Variants in ECEL1 observed in about 807,000 individuals in gnomAD.
ECEL1 encodes endothelin-converting enzyme-like 1.
In ECEL1, 87 loss-of-function variants were observed where a neutral mutation model predicts 101.8. The observed-to-expected ratio is 0.85, with a 90% CI of 0.72 to 1.02. The LOEUF (loss-of-function observed/expected upper bound fraction) is 1.02. Ranked by LOEUF, ECEL1 falls within the 50% of genes least tolerant of loss-of-function variation. The probability of loss-of-function intolerance (pLI) is 0.00; values close to 1 mark genes in which losing one functional copy is unlikely to be tolerated. For synonymous variants in ECEL1, 487 were observed against 468.7 expected, an observed-to-expected ratio of 1.04 and a Z score of -0.50; for missense variants, 1,032 against 1,079.2, an observed-to-expected ratio of 0.96 and a Z score of 0.61.
intron 12 of ECEL1, 72 bp downstream of exon 12, chr2:232,482,346 A>C: frequency 6.2e-7 from 1 of 1,605,232 alleles, no homozygotes; most frequent in Non-Finnish European, 8.5e-7. Flanking sequence ...GTACGCCGAC[A>C]CACACCTGGT....
intron 12 of ECEL1, 112 bp from the exon 13 acceptor site, chr2:232,481,961 C>A (rs1009762128): frequency 8.3e-6 from 12 of 1,438,802 alleles, no homozygotes; most frequent in Non-Finnish European, 1.1e-5. Flanking sequence ...CACAGGGAGG[C>A]CACAGAGGCA....
intron 7 of ECEL1, 52 bp downstream of exon 7, chr2:232,483,949 G>T (rs1354555226): frequency 1.3e-6 from 2 of 1,543,450 alleles, no homozygotes; most frequent in Non-Finnish European, 1.8e-6. Context: ...CCTCGGGAGG[G>T]CTCCACCCTC....
At position 232,486,167 on chromosome 2, in the gene ECEL1, G is replaced by T; in HGVS notation, c.487C>A (p.Arg163Ser). ...IGEQNEERLR[R>S]LLARPGGGPG... ...CCACCCCCGGGCCGCGCCAGCAGGC[G>T]CCGTAGGCGCTCCTCGTTTTGCTCG... The change falls in exon 2 of 18, where the codon CGC (arginine) becomes AGC (serine). Residue 163 changes from arginine to serine, a missense_variant. Transcript: ENST00000304546. 4 of 1,580,426 alleles carry T rather than the reference G, an allele frequency of 2.5e-6. No individual in the cohort carries two copies. The highest frequency in any genetic ancestry group is 2.6e-6 in the Non-Finnish European group (3 of 1,168,812).
rs1318486358 is a variant in ECEL1 at position 232,486,161 on chromosome 2, G to T, written c.493C>A (p.Leu165Met). The T allele has an allele frequency of 6.3e-7, 1 of 1,575,274 alleles. No homozygotes were observed. ...EQNEERLRRL[L>M]ARPGGGPGGA... ...CCAGGCCCACCCCCGGGCCGCGCCA[G>T]CAGGCGCCGTAGGCGCTCCTCGTTT... The change falls in exon 2 of 18, where the codon CTG becomes ATG. Residue 165 changes from leucine to methionine, a missense_variant. Coordinates refer to ENST00000304546, the MANE Select transcript of ECEL1 (RefSeq NM_004826.4).
intron 17 of ECEL1, 58 bp downstream of exon 17, chr2:232,480,341 C>A (rs888224196): frequency 4.3e-6 from 7 of 1,612,350 alleles, no homozygotes; most frequent in Non-Finnish European, 5.9e-6. Context: ...TTCCCATGCC[C>A]CCTGATCCCA....
intron 1 of ECEL1, among the ~76,000 whole-genome samples, chr2:232,487,314 C>T (rs529941182): frequency 3.3e-5 from 5 of 152,202 alleles, no homozygotes; most frequent in African/African-American, 1.2e-4. Flanking sequence ...CCCACTCGCC[C>T]CTTCCCTAGG....
chr2:232,480,268 AC>A lies in ECEL1; in HGVS notation c.2229-17del. The stretch of plus-strand genomic sequence containing the variant: ...GCCCAGCACCCTGGGGTGGGGAGAG[AC>A]CCACACAGTGTTGGGCCCTGCAGCC... On this transcript the variant is annotated splice_polypyrimidine_tract_variant and intron_variant, in intron 17 of 17. Transcript: ENST00000304546. The A allele has an allele frequency of 6.2e-7, 1 of 1,613,042 alleles. No individual in the cohort carries two copies. Among genetic ancestry groups the A allele is most frequent in the Non-Finnish European group, 8.5e-7 (1 of 1,179,474 alleles).
chr2:232,482,652 C>T, intron 10 of ECEL1, 44 bp from the exon 11 acceptor site: 1 of 1,579,880 alleles, frequency 6.3e-7, no homozygotes, highest in Non-Finnish European at 8.6e-7. Flanking sequence ...ACACTCCCTC[C>T]CCCGCTACCC....
chr2:232,480,375 G>A, intron 17 of ECEL1, 24 bp downstream of exon 17: 2 of 1,613,324 alleles, frequency 1.2e-6, no homozygotes, highest in Non-Finnish European at 1.7e-6. Context: ...GAGTGGACAA[G>A]GCCAGGCGGG....
At position 232,480,767 on chromosome 2, in the gene ECEL1, G is replaced by A. The variant is rs777625660; in HGVS notation, c.2102C>T (p.Pro701Leu). 6.2e-7 allele frequency: 1 copy of A among 1,614,146 alleles called. No homozygotes were observed. Among genetic ancestry groups the A allele is most frequent in the South Asian group, 1.1e-5 (1 of 91,076 alleles). Reference protein sequence around the residue: ...VREHGPEHPLPRLKYTHDQLF... With the variant: ...VREHGPEHPLLRLKYTHDQLF... ...CTGGTCATGTGTGTACTTGAGCCGG[G>A]GAAGTGGGTGCTCTGGGCCGTGCTC... Residue 701 changes from proline (P) to leucine (L), a missense_variant, in exon 16 of 18, where the codon CCC becomes CTC. Physicochemically the swap from Pro to Leu is moderately conservative, Grantham distance 98. Transcript: ENST00000304546.
At chr2:232,483,861 G>T in intron 7 of ECEL1, 140 bp downstream of exon 7, 1 of 968,338 alleles carries the variant, frequency 1.0e-6, no homozygotes, top group Non-Finnish European at 1.6e-6. Context: ...TGGGGCCTCA[G>T]AATCGGCTGA....
Position 232,486,412 on chromosome 2 carries a change from G to A in ECEL1, c.242C>T (p.Ala81Val). 1 of 1,467,660 alleles carries A rather than the reference G, an allele frequency of 6.8e-7. No individual in the cohort carries two copies. The highest frequency in any genetic ancestry group is 8.9e-7 in the Non-Finnish European group (1 of 1,121,970). 90.9% of individuals were successfully genotyped at this position (1,467,660 alleles called of 1,614,324 possible). A position where few individuals can be genotyped will look rare whatever the true frequency, so the allele number is the denominator to read the frequency against. The stretch of plus-strand genomic sequence containing the variant: ...CGCGACCGGGCCCAGGTACTTGAGG[G>A]CCAGCATAGCCGCCAGAATGGCGCA... ...GLCAILAAML[A>V]LKYLGPVAAG... The change falls in exon 2 of 18, where the codon GCC becomes GTC. Residue 81 changes from alanine (A) to valine (V), a missense_variant. Transcript: ENST00000304546.
intron 13 of ECEL1, 52 bp downstream of exon 13, chr2:232,481,730 C>T (rs1011343381): frequency 6.2e-7 from 1 of 1,604,284 alleles, no homozygotes; most frequent in Admixed American, 1.7e-5. Context: ...TGCCTCTCCA[C>T]TGCCTGTCCT....
chr2:232,481,896 G>A, intron 12 of ECEL1, 47 bp from the exon 13 acceptor site: 1 of 1,610,936 alleles, frequency 6.2e-7, no homozygotes, highest in South Asian at 1.1e-5. Flanking sequence ...CACCCTCTGA[G>A]AGCCCCATGC....
At position 232,482,461 on chromosome 2, in the gene ECEL1, C is replaced by T. The variant is rs762886790; in HGVS notation, c.1753G>A (p.Ala585Thr). ...LPNKNQMVFP[A>T]GILQPTLYDP... Reference sequence around the variant, plus strand: ...TACAGGGTGGGCTGCAGGATGCCCGCGGGGAACACTACAAGAAGGGGGTGC... The same window carrying T: ...TACAGGGTGGGCTGCAGGATGCCCGTGGGGAACACTACAAGAAGGGGGTGC... The change falls in exon 12 of 18, where the codon GCG (alanine) becomes ACG (threonine). Residue 585 changes from alanine (A) to threonine (T), a missense_variant. Transcript: ENST00000304546. 15 of 1,613,856 alleles carry T rather than the reference C, an allele frequency of 9.3e-6. No individual in the cohort carries two copies. The highest frequency in any genetic ancestry group is 3.3e-5 in the South Asian group (3 of 91,086).
chr2:232,485,323 C>G, intron 2 of ECEL1, 56 bp from the exon 3 acceptor site: 1 of 1,587,444 alleles, frequency 6.3e-7, no homozygotes, highest in Non-Finnish European at 8.6e-7. Context: ...GTTCCCTAAA[C>G]AGAGGGAATT....
chr2:232,486,148 C>T lies in ECEL1; in HGVS notation c.506G>A (p.Gly169Glu). The change falls in exon 2 of 18, where the codon GGG becomes GAG. Residue 169 changes from glycine (G) to glutamate (E), a missense_variant. By Grantham distance (98) the Gly-to-Glu change is moderately conservative (BLOSUM62 -2). Transcript: ENST00000304546. ...ERLRRLLARP[G>E]GGPGGAAQRK... ...CTGGGCCGCGCCGCCAGGCCCACCC[C>T]CGGGCCGCGCCAGCAGGCGCCGTAG... The T allele has an allele frequency of 6.4e-7, 1 of 1,566,242 alleles. No individual in the cohort carries two copies. Among genetic ancestry groups the T allele is most frequent in the Non-Finnish European group, 8.6e-7 (1 of 1,161,010 alleles).
At position 232,484,501 on chromosome 2, in the gene ECEL1, C is replaced by T. The variant is rs1327823095; in HGVS notation, c.1155G>A (p.Val385=). The stretch of plus-strand genomic sequence containing the variant: ...GGGGTGTGGAGCGGATGAGCTGCGA[C>T]ACCTGCTGCATGTAGTCTGTCGCCA... ...VLLATDYMQQ[V]SQLIRSTPHR... The change falls in exon 6 of 18, where the codon GTG becomes GTA. Residue 385 remains valine (V), a synonymous_variant. Coordinates refer to ENST00000304546, the MANE Select transcript of ECEL1 (RefSeq NM_004826.4). 1 of 1,613,814 alleles carries T rather than the reference C, an allele frequency of 6.2e-7. No homozygotes were observed.
chr2:232,485,345 G>A, intron 2 of ECEL1, 78 bp from the exon 3 acceptor site: 1 of 1,500,004 alleles, frequency 6.7e-7, no homozygotes, highest in Non-Finnish European at 9.1e-7. Context: ...CCACTCCAAT[G>A]CCCAGAGAGC....
Sources: allele counts gnomAD v4.1 joint callset (sites outside exome capture counted in the v4.1 genomes callset), GRCh38; gene constraint gnomAD v4.1.1; transcripts MANE v1.5; gene names NCBI Gene and HGNC (gene_info 2026-07-23, HGNC 2026-07-21).